The following DLG2 variants were observed in gnomAD, a reference collection of about 807,000 sequenced individuals.
DLG2 encodes disks large homolog 2.
Under a neutral mutation model 132.5 loss-of-function variants are expected in DLG2, and 45 were observed. The observed-to-expected ratio is 0.34, with a 90% CI of 0.27 to 0.44. The LOEUF (loss-of-function observed/expected upper bound fraction) is 0.44, where lower values mean the gene tolerates loss of function less well. DLG2 is among the 20% of genes least tolerant of loss of function. DLG2 has a pLI of 1.00. For synonymous variants in DLG2, 424 were observed against 419.6 expected (o/e 1.01, Z -0.13); for missense variants, 1,045 against 1,196.9 (o/e 0.87, Z 1.87).
At chr11:84,287,702 CCT>C (rs1468511975) in intron 7 of DLG2, among the ~76,000 whole-genome samples, 1 of 149,746 alleles carries the variant, frequency 6.7e-6, no homozygotes, top group African/African-American at 2.5e-5. Context: ...CTTACTTCTA[CCT>C]CTCTCCTTCT....
intron 6 of DLG2, among the ~76,000 whole-genome samples, chr11:84,665,026 T>A (rs541052267): frequency 5.9e-4 from 90 of 152,218 alleles, no homozygotes; most frequent in African/African-American, 2.1e-3. Flanking sequence ...TGCTTTTATG[T>A]GCTGCCATGA....
chr11:84,930,323 T>C (rs1362067062), intron 6 of DLG2, among the ~76,000 whole-genome samples: 1 of 152,096 alleles, frequency 6.6e-6, no homozygotes, highest in Non-Finnish European at 1.5e-5. Context: ...ACTTCAAAAG[T>C]AAAGGACAAC....
intron 19 of DLG2, among the ~76,000 whole-genome samples, chr11:83,612,015 A>G (rs1321058936): frequency 6.6e-6 from 1 of 152,178 alleles, no homozygotes; most frequent in African/African-American, 2.4e-5. Context: ...TTTACCACAC[A>G]CTTGGAGAAA....
chr11:83,554,370 T>C (rs1215025456), intron 19 of DLG2, among the ~76,000 whole-genome samples: 1 of 152,206 alleles, frequency 6.6e-6, no homozygotes, highest in Non-Finnish European at 1.5e-5. Context: ...TCTGTGGCTA[T>C]AGATAAGGTT....
At chr11:85,043,254 G>T (rs117239333) in intron 6 of DLG2, among the ~76,000 whole-genome samples, 2,521 of 151,876 alleles carry the variant, frequency 0.017, 29 homozygotes, top group Non-Finnish European at 0.025. Context: ...GAGTTCCCAA[G>T]CTGAAATTAC....
intron 11 of DLG2, among the ~76,000 whole-genome samples, chr11:84,056,861 G>C (rs997534178): frequency 1.3e-5 from 2 of 152,120 alleles, no homozygotes; most frequent in Admixed American, 1.3e-4. Flanking sequence ...ACAGTAGAAA[G>C]AAGTATGACT....
At chr11:84,732,154 A>T (rs988280856) in intron 6 of DLG2, among the ~76,000 whole-genome samples, 1 of 152,050 alleles carries the variant, frequency 6.6e-6, no homozygotes, top group African/African-American at 2.4e-5. Context: ...TTACATTGTA[A>T]AGATATATTA....
At chr11:84,275,287 T>G (rs1328793147) in intron 7 of DLG2, among the ~76,000 whole-genome samples, 2 of 152,244 alleles carry the variant, frequency 1.3e-5, no homozygotes, top group African/African-American at 4.8e-5. Flanking sequence ...AAAACTGCCC[T>G]TTGAATCTTG....
intron 6 of DLG2, among the ~76,000 whole-genome samples, chr11:84,873,390 G>T (rs188921202): frequency 6.6e-6 from 1 of 152,314 alleles, no homozygotes; most frequent in African/African-American, 2.4e-5. Context: ...CTGGCACCTT[G>T]ATTTTATACC....
chr11:84,036,206 G>A (rs370146379), intron 11 of DLG2, among the ~76,000 whole-genome samples: 5 of 151,612 alleles, frequency 3.3e-5, no homozygotes, highest in Admixed American at 1.3e-4. Flanking sequence ...GGCTTTAGAG[G>A]TTAAAGAAAA....
chr11:84,242,856 A>G (rs1259531683), intron 8 of DLG2, among the ~76,000 whole-genome samples: 1 of 152,184 alleles, frequency 6.6e-6, no homozygotes, highest in East Asian at 1.9e-4. Context: ...AACAGGGATC[A>G]TGTCTCCATG....
chr11:84,271,865 G>A (rs183891368), intron 7 of DLG2, among the ~76,000 whole-genome samples: 26 of 149,608 alleles, frequency 1.7e-4, no homozygotes, highest in Admixed American at 1.6e-3. Context: ...CAAGAAGGGG[G>A]AAGATAACCC....
At chr11:83,553,308 T>C (rs1333339217) in intron 19 of DLG2, among the ~76,000 whole-genome samples, 1 of 152,170 alleles carries the variant, frequency 6.6e-6, no homozygotes, top group Non-Finnish European at 1.5e-5. Context: ...ATCTCATAAT[T>C]GAATTGGCAG....
intron 3 of DLG2, among the ~76,000 whole-genome samples, chr11:85,488,093 G>A (rs562272796): frequency 2.0e-5 from 3 of 152,162 alleles, no homozygotes; most frequent in South Asian, 2.1e-4. Context: ...ACACTGACAT[G>A]TAAGAAGTGC....
chr11:84,004,122 G>T (rs572439905), intron 11 of DLG2, among the ~76,000 whole-genome samples: 24 of 151,780 alleles, frequency 1.6e-4, no homozygotes, highest in Non-Finnish European at 2.9e-4. Context: ...AAAACCTAAG[G>T]ACACAACAAA....
chr11:84,968,809 C>G (rs1001190831), intron 6 of DLG2, among the ~76,000 whole-genome samples: 2 of 152,104 alleles, frequency 1.3e-5, no homozygotes, highest in African/African-American at 4.8e-5. Context: ...AGTGGCAGAA[C>G]TGAGATTACA....
chr11:84,027,200 T>C (rs1464307086), intron 11 of DLG2, among the ~76,000 whole-genome samples: 1 of 152,146 alleles, frequency 6.6e-6, no homozygotes, highest in East Asian at 1.9e-4. Flanking sequence ...CTCTCACTTC[T>C]GCTTCAATTA....
chr11:83,874,217 AAAAG>A lies in DLG2; in HGVS notation c.1565+199_1565+202del, dbSNP rs544946918. Among the ~76,000 whole-genome samples, 404 of 151,648 alleles carry A rather than the reference AAAAG, an allele frequency of 2.7e-3. 6 individuals carry two copies. Among genetic ancestry groups the A allele is most frequent in the South Asian group, 0.016 (77 of 4,762 alleles). On this transcript the variant is annotated intron_variant, in intron 16 of 27. Transcript: ENST00000376104. ...AAAGAAAGAGAAAGAAAGACAGAAA[AAAAG>A]AAAGAAAGAAAGACAAAGAAAGAAG...
chr11:84,507,147 A>G (rs1039689670), intron 7 of DLG2, among the ~76,000 whole-genome samples: 1 of 152,222 alleles, frequency 6.6e-6, no homozygotes, highest in Non-Finnish European at 1.5e-5. Flanking sequence ...CATATCGTCA[A>G]TGAATATTCA....
Sources: gnomAD v4.1 joint callset for allele counts (sites outside exome capture counted in the v4.1 genomes callset) on GRCh38, gnomAD v4.1.1 for gene constraint, MANE v1.5 for transcripts, NCBI Gene and HGNC (gene_info 2026-07-23, HGNC 2026-07-21) for gene names.